Variants in SYN3 observed in about 807,000 individuals in gnomAD.
SYN3 encodes the protein synapsin-3.
SYN3 carries 35 observed loss-of-function variants against 65.8 expected under a neutral mutation model. The observed-to-expected ratio is 0.53, with a 90% CI of 0.41 to 0.70. The LOEUF (loss-of-function observed/expected upper bound fraction) is 0.70. Ranked by LOEUF, SYN3 falls within the 30% of genes least tolerant of loss-of-function variation. The probability of loss-of-function intolerance (pLI) is 0.00; values close to 1 mark genes in which losing one functional copy is unlikely to be tolerated. For missense variants in SYN3, 680 were observed against 749.0 expected (o/e 0.91, Z 1.08); for synonymous variants, 270 against 292.9 (o/e 0.92, Z 0.80).
intron 6 of SYN3, chr22:32,630,015 C>G (rs1190897551): frequency 1.4e-5 from 2 of 147,392 alleles, no homozygotes; most frequent in Non-Finnish European, 3.0e-5. Context: ...GACGGAGTCT[C>G]GCTCTGTTGC....
chr22:32,852,261 A>G (rs898568719), intron 6 of SYN3, among the ~76,000 whole-genome samples: 1 of 152,228 alleles, frequency 6.6e-6, no homozygotes, highest in African/African-American at 2.4e-5. Flanking sequence ...AGGAGATAAT[A>G]CAGTATGGAG....
chr22:32,544,009 G>A (rs989974468), intron 7 of SYN3, among the ~76,000 whole-genome samples: 14 of 152,152 alleles, frequency 9.2e-5, no homozygotes, highest in Non-Finnish European at 1.9e-4. Context: ...CATGATCATG[G>A]CTCACTGCAG....
chr22:32,541,436 G>T, intron 8 of SYN3, 135 bp downstream of exon 8: 1 of 1,132,570 alleles, frequency 8.8e-7, no homozygotes, highest in Non-Finnish European at 1.3e-6. Context: ...AGCCACACTG[G>T]ACAGAGAAGA....
chr22:32,970,405 G>A (rs995869622), intron 3 of SYN3, among the ~76,000 whole-genome samples: 1 of 151,608 alleles, frequency 6.6e-6, no homozygotes, highest in Non-Finnish European at 1.5e-5. Context: ...ACTTTGTGAG[G>A]CCAAGGTGGG....
chr22:32,634,965 T>C (rs1431911237), intron 6 of SYN3: 2 of 151,928 alleles, frequency 1.3e-5, no homozygotes, highest in Non-Finnish European at 2.9e-5. Context: ...CAGCTATCAT[T>C]AGTGTTAGTT....
chr22:32,720,717 C>T (rs2061105778), intron 6 of SYN3, among the ~76,000 whole-genome samples: 1 of 152,246 alleles, frequency 6.6e-6, no homozygotes, highest in Non-Finnish European at 1.5e-5. Context: ...GGCCTTCCCA[C>T]CCCACAGGTG....
intron 6 of SYN3, among the ~76,000 whole-genome samples, chr22:32,804,559 A>G (rs1429097441): frequency 6.6e-6 from 1 of 152,166 alleles, no homozygotes; most frequent in Non-Finnish European, 1.5e-5. Context: ...ATGTTGGCCT[A>G]GCAAAAGGCA....
rs1046306168 is a variant in SYN3 at position 32,805,418 on chromosome 22, A to G, written c.711+59497T>C. 4.2e-4 allele frequency among the ~76,000 whole-genome samples: 64 copies of G among 152,244 alleles called. 1 individual carries two copies. Among genetic ancestry groups the G allele is most frequent in the African/African-American group, 1.3e-3 (52 of 41,560 alleles). The stretch of plus-strand genomic sequence containing the variant: ...CTCTTACACACAATTACACCTCAAC[A>G]CTGGGCTTTGCAACTTAAGGAAAAT... On this transcript the variant is annotated intron_variant, in intron 6 of 13. Coordinates refer to ENST00000358763, the MANE Select transcript of SYN3 (RefSeq NM_003490.4).
At chr22:32,530,160 A>C (rs1407033587) in intron 10 of SYN3, 1 of 152,256 alleles carries the variant, frequency 6.6e-6, no homozygotes, top group African/African-American at 2.4e-5. Context: ...CCTGCTAAGC[A>C]GGTGTGCCCT....
chr22:32,898,858 T>C (rs1232402641), intron 4 of SYN3, among the ~76,000 whole-genome samples: 1 of 152,094 alleles, frequency 6.6e-6, no homozygotes, highest in Non-Finnish European at 1.5e-5. Flanking sequence ...ATCCCAACAC[T>C]TTGGGAGGCC....
chr22:32,621,777 C>T (rs751469575), intron 6 of SYN3, among the ~76,000 whole-genome samples: 2 of 152,068 alleles, frequency 1.3e-5, no homozygotes, highest in South Asian at 2.1e-4. Context: ...TGCAGCATTT[C>T]GAAGTTAGGT....
chr22:32,537,161 C>T (rs1040921340), intron 9 of SYN3, among the ~76,000 whole-genome samples: 1 of 151,834 alleles, frequency 6.6e-6, no homozygotes, highest in East Asian at 1.9e-4. Flanking sequence ...TTCGACCCTT[C>T]CCCCCCTTTT....
intron 6 of SYN3, among the ~76,000 whole-genome samples, chr22:32,610,164 T>C (rs941383790): frequency 6.6e-6 from 1 of 151,808 alleles, no homozygotes; most frequent in Non-Finnish European, 1.5e-5. Context: ...GCCTGTAATC[T>C]CAGCTACTCG....
At chr22:32,700,112 T>C (rs2147195893) in intron 6 of SYN3, among the ~76,000 whole-genome samples, 1 of 152,346 alleles carries the variant, frequency 6.6e-6, no homozygotes, top group East Asian at 1.9e-4. Flanking sequence ...GGTCTCTGAA[T>C]TCCAAGGCTT....
intron 6 of SYN3, among the ~76,000 whole-genome samples, chr22:32,750,859 G>A (rs2045098197): frequency 6.6e-6 from 1 of 152,102 alleles, no homozygotes. Flanking sequence ...TAACTTGGAT[G>A]GGAAAGGCTG....
chr22:32,636,263 G>A (rs142434190), intron 6 of SYN3, among the ~76,000 whole-genome samples: 94 of 152,212 alleles, frequency 6.2e-4, no homozygotes, highest in African/African-American at 2.1e-3. Context: ...TCAGCCGGGC[G>A]TGGTGGCCAG....
intron 3 of SYN3, among the ~76,000 whole-genome samples, chr22:32,933,576 C>T (rs1247768073): frequency 6.6e-6 from 1 of 152,136 alleles, no homozygotes; most frequent in Non-Finnish European, 1.5e-5. Flanking sequence ...TTACAGGTAT[C>T]TGCCACCACA....
At chr22:32,670,939 G>A (rs1291169119) in intron 6 of SYN3, among the ~76,000 whole-genome samples, 5 of 152,212 alleles carry the variant, frequency 3.3e-5, no homozygotes, top group South Asian at 4.1e-4. Flanking sequence ...TGACCACTAC[G>A]GTGTTCAGGA....
At chr22:32,722,954 T>C (rs1334652220) in intron 6 of SYN3, among the ~76,000 whole-genome samples, 1 of 152,196 alleles carries the variant, frequency 6.6e-6, no homozygotes, top group East Asian at 1.9e-4. Context: ...TCATAAATAA[T>C]CTTCACCTCA....
Sources: gnomAD v4.1 joint callset for allele counts (sites outside exome capture counted in the v4.1 genomes callset) on GRCh38, gnomAD v4.1.1 for gene constraint, MANE v1.5 for transcripts, NCBI Gene and HGNC (gene_info 2026-07-23, HGNC 2026-07-21) for gene names.